Variants in HPS1 observed in about 807,000 individuals in gnomAD.
The protein encoded by HPS1 is HPS1 biogenesis of lysosomal organelles complex 3 subunit 1, also known as BLOC-3 complex member HPS1.
HPS1 carries 59 observed loss-of-function variants against 90.6 expected under a neutral mutation model. That is an observed-to-expected ratio of 0.65 (90% CI 0.53 to 0.81). The LOEUF is 0.81. HPS1 is among the 30% of genes least tolerant of loss of function. The pLI is 0.00. For missense variants in HPS1, 849 were observed against 896.7 expected (o/e 0.95, Z 0.68); for synonymous variants, 388 against 384.4 (o/e 1.01, Z -0.11).
At chr10:98,431,106 A>T (rs1846387672) in intron 7 of HPS1, 25 bp downstream of exon 7, 1 of 1,613,438 alleles carries the variant, frequency 6.2e-7, no homozygotes, top group Non-Finnish European at 8.5e-7. Flanking sequence ...GCCTTTAGCC[A>T]CCACATGCCA....
In HPS1 at chr10:98,435,776, CA is replaced by C. The variant is rs747318115; in HGVS notation, c.118-5del. Reference sequence around the variant, plus strand: ...GCTGGTCCTCCAGGGCAGGGAGCTGCAAAAATGGGGGAAAATTTCACAGCTT... The same window carrying C: ...GCTGGTCCTCCAGGGCAGGGAGCTGCAAAATGGGGGAAAATTTCACAGCTT... On this transcript the variant is annotated splice_polypyrimidine_tract_variant and splice_region_variant and intron_variant, in intron 3 of 19. Coordinates refer to ENST00000361490, the MANE Select transcript of HPS1 (RefSeq NM_000195.5). The surrounding 1 kb of genome is among the most constrained non-coding windows in gnomAD (Gnocchi z 4.3). The C allele has an allele frequency of 5.6e-6, 9 of 1,613,666 alleles. No homozygotes were observed. The highest frequency in any genetic ancestry group is 7.6e-6 in the Non-Finnish European group (9 of 1,179,916).
chr10:98,427,224 A>G lies in HPS1; in HGVS notation c.978T>C (p.Asp326=), dbSNP rs1368276731. 3 of 1,551,460 alleles carry G rather than the reference A, an allele frequency of 1.9e-6. No homozygotes were observed. The South Asian group carries it at 3.6e-5, about 18-fold the overall frequency. The change falls in exon 11 of 20, where the codon GAT becomes GAC. Residue 326 remains aspartate (D), a synonymous_variant. Transcript: ENST00000361490. ...CACAGGAGAAACTCACCTGAAGGGC[A>G]TCCATGGGGGGGGTGCCCCCCTCCA... ...IWLEGGTPPM[D]ALQIAEDTLQ... is the part of the protein sequence containing the mutation.
downstream of HPS1, chr10:98,414,990 G>T (rs1464161280): frequency 6.2e-7 from 1 of 1,610,800 alleles, no homozygotes; most frequent in Non-Finnish European, 8.5e-7. Flanking sequence ...CTCTGGCCCG[G>T]CCTGCTTTAC....
At position 98,423,884 on chromosome 10, in the gene HPS1, C is replaced by A. The variant is rs1845241686; in HGVS notation, c.1401G>T (p.Leu467=). The change falls in exon 15 of 20, where the codon CTG becomes CTT. Residue 467 remains leucine, a synonymous_variant. Coordinates refer to ENST00000361490, the MANE Select transcript of HPS1 (RefSeq NM_000195.5). ...GCTTCAGCTTCCCACATGCCTGGAGCAGCCTGAGCACGAGAGAGGAGGGCA... is the reference window on the plus strand; with the variant it reads ...GCTTCAGCTTCCCACATGCCTGGAGAAGCCTGAGCACGAGAGAGGAGGGCA... ...SKSEPGSSWE[L]LQACGKLKRQ... The A allele has an allele frequency of 1.2e-6, 2 of 1,613,690 alleles. No individual in the cohort carries two copies. The highest frequency in any genetic ancestry group is 8.5e-7 in the Non-Finnish European group (1 of 1,180,012).
chr10:98,421,878 C>T (rs1255604857), intron 17 of HPS1, among the ~76,000 whole-genome samples: 1 of 152,068 alleles, frequency 6.6e-6, no homozygotes, highest in Non-Finnish European at 1.5e-5. Flanking sequence ...GCTTCCAACA[C>T]ATGCCTCCAC....
intron 17 of HPS1, among the ~76,000 whole-genome samples, chr10:98,420,920 CA>C (rs1428216921): frequency 2.0e-5 from 3 of 152,232 alleles, no homozygotes; most frequent in Admixed American, 6.5e-5. Flanking sequence ...TGTGCTGAGC[CA>C]GGGGGGAAGT....
chr10:98,427,445 G>A lies in HPS1; in HGVS notation c.938-181C>T, dbSNP rs77570350. Reference sequence around the variant, plus strand: ...TTCATCCTAAGTTGGCAGGCACAAGGTGAACTCTGCAGTACCAGGGCTAAG... The same window carrying A: ...TTCATCCTAAGTTGGCAGGCACAAGATGAACTCTGCAGTACCAGGGCTAAG... On this transcript the variant is annotated intron_variant, in intron 10 of 19. Coordinates refer to ENST00000361490, the MANE Select transcript of HPS1 (RefSeq NM_000195.5). Among the ~76,000 whole-genome samples, 370 of 152,370 alleles carry A rather than the reference G, an allele frequency of 2.4e-3. 1 individual carries two copies. Among genetic ancestry groups the A allele is most frequent in the South Asian group, 4.6e-3 (22 of 4,834 alleles).
chr10:98,435,404 C>T lies in HPS1; in HGVS notation c.266G>A (p.Cys89Tyr), dbSNP rs201670911. The T allele has an allele frequency of 2.5e-6, 4 of 1,613,948 alleles. No homozygotes were observed. In the Admixed American group the frequency reaches 5.0e-5, roughly 20 times the overall value. ...FLYVLHLFGE[C>Y]LFIAINGDHT... Reference sequence around the variant, plus strand: ...GTCACCATTGATGGCAATGAACAGGCATTCTCCAAACTGCAGGCACAGGCA... The same window carrying T: ...GTCACCATTGATGGCAATGAACAGGTATTCTCCAAACTGCAGGCACAGGCA... The change falls in exon 5 of 20, where the codon TGC becomes TAC. Residue 89 changes from cysteine (C) to tyrosine (Y), a missense_variant. Cys to Tyr is a radical substitution (Grantham distance 194). Coordinates refer to ENST00000361490, the MANE Select transcript of HPS1 (RefSeq NM_000195.5). This position sits in a 1 kb window ranked among gnomAD's most constrained non-coding sequence, Gnocchi z 4.3.
At chr10:98,425,379 A>G (rs937603943) in intron 13 of HPS1, among the ~76,000 whole-genome samples, 162 bp downstream of exon 13, 2 of 152,252 alleles carry the variant, frequency 1.3e-5, no homozygotes, top group East Asian at 1.9e-4. Flanking sequence ...TAAGTTTTCA[A>G]TATCATTTCA....
chr10:98,424,221 A>G, intron 14 of HPS1, 92 bp downstream of exon 14: 1 of 932,458 alleles, frequency 1.1e-6, no homozygotes. Context: ...TTTTGCTGAT[A>G]AATGAAGGGC....
rs532348840 is a variant in HPS1, at chr10:98,429,643, C to G, written c.868-1G>C. On this transcript the variant is annotated splice_acceptor_variant, in intron 9 of 19. Transcript: ENST00000361490. LOFTEE classifies it high-confidence loss of function. Reference sequence around the variant, plus strand: ...CAGGGAGGGAGAAGCTGTCTGTCTCCTGGAATGGAGAAGGTGGCTCAGGTT... The same window carrying G: ...CAGGGAGGGAGAAGCTGTCTGTCTCGTGGAATGGAGAAGGTGGCTCAGGTT... 3.7e-6 allele frequency: 6 copies of G among 1,614,198 alleles called. No individual in the cohort carries two copies. In the South Asian group the frequency reaches 5.5e-5, roughly 15 times the overall value.
chr10:98,443,771 G>T (rs529675660), intron 2 of HPS1, among the ~76,000 whole-genome samples: 104 of 152,320 alleles, frequency 6.8e-4, no homozygotes, highest in Non-Finnish European at 1.3e-3. Context: ...GGTGGCTCAC[G>T]CCTGTAATCC....
chr10:98,438,027 G>A (rs745683971), intron 3 of HPS1, among the ~76,000 whole-genome samples: 3 of 152,196 alleles, frequency 2.0e-5, no homozygotes, highest in Non-Finnish European at 2.9e-5. Context: ...GCTGCCTTGC[G>A]AAGAAGGTGC....
At chr10:98,415,973 C>T (rs1387038173), downstream of HPS1, among the ~76,000 whole-genome samples, 1 of 152,232 alleles carries the variant, frequency 6.6e-6, no homozygotes, top group Non-Finnish European at 1.5e-5. Context: ...TTAGGAGCCC[C>T]TTTGTTCTCT....
At chr10:98,427,070 G>A in intron 11 of HPS1, 145 bp downstream of exon 11, 1 of 644,742 alleles carries the variant, frequency 1.6e-6, no homozygotes, top group Non-Finnish European at 2.7e-6. Context: ...ACCAGGACAG[G>A]CACCTGCACT....
intron 2 of HPS1, 67 bp from the exon 3 acceptor site, chr10:98,443,307 C>A: frequency 8.7e-7 from 1 of 1,143,542 alleles, no homozygotes; most frequent in Non-Finnish European, 1.3e-6. Flanking sequence ...GTCTGAGTAA[C>A]GAAGAGGACC....
At chr10:98,429,480 C>T in intron 10 of HPS1, 93 bp downstream of exon 10, 2 of 1,603,854 alleles carry the variant, frequency 1.2e-6, no homozygotes, top group East Asian at 2.2e-5. Context: ...CCTTAGGAGG[C>T]ACGGGGGTCC....
chr10:98,429,137 T>G (rs1039510118), intron 10 of HPS1: 1 of 1,020,144 alleles, frequency 9.8e-7, no homozygotes, highest in South Asian at 2.7e-5. Context: ...CCACCACACC[T>G]CAACCATTTT....
chr10:98,416,025 C>T (rs763650942), downstream of HPS1, among the ~76,000 whole-genome samples: 12 of 152,174 alleles, frequency 7.9e-5, no homozygotes, highest in Non-Finnish European at 1.6e-4. Context: ...GGAAAAAACC[C>T]CTTGGAGCGG....
Sources: gnomAD v4.1 joint callset for allele counts (sites outside exome capture counted in the v4.1 genomes callset) on GRCh38, gnomAD v4.1.1 for gene constraint, Gnocchi (gnomAD v3.1) non-coding constraint, MANE v1.5 for transcripts, NCBI Gene and HGNC (gene_info 2026-07-23, HGNC 2026-07-21) for gene names.